The following VAV1 variants were observed in gnomAD, a reference collection of about 807,000 sequenced individuals.
The protein encoded by VAV1 is vav guanine nucleotide exchange factor 1, also known as proto-oncogene vav.
A neutral mutation model predicts 128.1 loss-of-function variants in VAV1; 33 were observed. The observed-to-expected ratio is 0.26, with a 90% CI of 0.20 to 0.34. VAV1 has a LOEUF of 0.34. Ranked by LOEUF, VAV1 falls within the 10% of genes least tolerant of loss-of-function variation. The pLI is 1.00. For synonymous variants in VAV1, 394 were observed against 409.8 expected, an observed-to-expected ratio of 0.96 and a Z score of 0.47; for missense variants, 715 against 1,093.7, an observed-to-expected ratio of 0.65 and a Z score of 4.88.
At position 6,772,991 on chromosome 19, in the gene VAV1, C is replaced by T. The variant is rs376743323; in HGVS notation, c.184C>T (p.Leu62=). 95 of 1,614,082 alleles carry T rather than the reference C, an allele frequency of 5.9e-5. 1 individual carries two copies. The South Asian group carries it at 8.0e-4, about 14-fold the overall frequency. The part of the protein sequence containing the change: ...PHAINLREVN[L]RPQMSQFLCL... ...TGCCATCAACCTGCGTGAGGTCAAC[C>T]TGCGCCCCCAGATGTCCCAGGTGAG... Residue 62 remains leucine, a synonymous_variant, in exon 1 of 27, where the codon CTG becomes TTG. Transcript: ENST00000602142. The surrounding 1 kb of genome is among the most constrained non-coding windows in gnomAD (Gnocchi z 4.8).
chr19:6,786,854 A>G (rs1970904614), intron 1 of VAV1, among the ~76,000 whole-genome samples: 2 of 152,088 alleles, frequency 1.3e-5, no homozygotes, highest in Non-Finnish European at 2.9e-5. Flanking sequence ...GACGTTTACT[A>G]TTTTTATATT....
chr19:6,833,855 C>A lies in VAV1; in HGVS notation c.1732-53C>A, dbSNP rs1972153210. 1.9e-6 allele frequency: 3 copies of A among 1,612,960 alleles called. No homozygotes were observed. In the South Asian group the frequency reaches 3.3e-5, roughly 18 times the overall value. Reference sequence around the variant, plus strand: ...GGGGTGAGGAGAGTAAGGGGGCCTACAAGCCCCCAGGCTGGGCATAGGTAG... The same window carrying A: ...GGGGTGAGGAGAGTAAGGGGGCCTAAAAGCCCCCAGGCTGGGCATAGGTAG... On this transcript the variant is annotated intron_variant, in intron 18 of 26. Transcript: ENST00000602142.
At position 6,828,733 on chromosome 19, in the gene VAV1, C is replaced by G; in HGVS notation, c.1179+25C>G. On this transcript the variant is annotated intron_variant, in intron 12 of 26. Transcript: ENST00000602142. The surrounding 1 kb of genome is among the most constrained non-coding windows in gnomAD (Gnocchi z 4.5). The stretch of plus-strand genomic sequence containing the variant: ...GGTGAGGCGGTGGAGCCGGGTGGGC[C>G]AGGGGTGTGGCCACGTGGGGAGAGT... 6.2e-7 allele frequency: 1 copy of G among 1,614,014 alleles called. No homozygotes were observed. Among genetic ancestry groups the G allele is most frequent in the Non-Finnish European group, 8.5e-7 (1 of 1,179,978 alleles).
chr19:6,827,842 C>A (rs1971955867), intron 9 of VAV1, among the ~76,000 whole-genome samples: 1 of 151,780 alleles, frequency 6.6e-6, no homozygotes. Context: ...TCAAGTGATC[C>A]TCCCGCCTCG....
At chr19:6,791,942 G>A (rs940900835) in intron 1 of VAV1, among the ~76,000 whole-genome samples, 1 of 151,840 alleles carries the variant, frequency 6.6e-6, no homozygotes, top group African/African-American at 2.4e-5. Flanking sequence ...TGGAGGGAGA[G>A]TGGTAAAGAA....
At chr19:6,778,516 C>A (rs1317385546) in intron 1 of VAV1, among the ~76,000 whole-genome samples, 1 of 152,096 alleles carries the variant, frequency 6.6e-6, no homozygotes, top group East Asian at 1.9e-4. Flanking sequence ...TCTGGTACCA[C>A]CACTTCCTGG....
At chr19:6,793,511 C>T (rs1971063979) in intron 1 of VAV1, among the ~76,000 whole-genome samples, 1 of 152,052 alleles carries the variant, frequency 6.6e-6, no homozygotes, top group Non-Finnish European at 1.5e-5. Flanking sequence ...ACAGGTACCT[C>T]TCTGCACCAT....
chr19:6,781,558 CTTGCTTACTATTG>C (rs1970766427), intron 1 of VAV1, among the ~76,000 whole-genome samples: 1 of 150,612 alleles, frequency 6.6e-6, no homozygotes. Context: ...GTTCATATCA[CTTGCTTACTATTG>C]TTGCACTTTC....
chr19:6,787,766 T>C (rs750834221), intron 1 of VAV1, among the ~76,000 whole-genome samples: 4 of 151,994 alleles, frequency 2.6e-5, no homozygotes, highest in Non-Finnish European at 5.9e-5. Context: ...CCCAACTGTT[T>C]TTTTAATGTT....
chr19:6,825,469 T>A, intron 8 of VAV1, 63 bp downstream of exon 8: 2 of 1,417,846 alleles, frequency 1.4e-6, no homozygotes, highest in Non-Finnish European at 2.0e-6. Context: ...GCTGGGCATC[T>A]GAGAGACCTT....
At chr19:6,796,322 G>C (rs1266387308) in intron 1 of VAV1, among the ~76,000 whole-genome samples, 1 of 149,244 alleles carries the variant, frequency 6.7e-6, no homozygotes, top group Non-Finnish European at 1.5e-5. Flanking sequence ...TAGGGACCCC[G>C]GGAGATATGG....
In VAV1 at chr19:6,828,553, C is replaced by G; in HGVS notation, c.1092+66C>G. On this transcript the variant is annotated intron_variant, in intron 11 of 26. Transcript: ENST00000602142. This position sits in a 1 kb window ranked among gnomAD's most constrained non-coding sequence, Gnocchi z 4.5. Reference sequence around the variant, plus strand: ...CACCCTCCTGGTAGGGGCTGATCCTCTAGCCGGGATTAGGTAGGAGCCTGG... The same window carrying G: ...CACCCTCCTGGTAGGGGCTGATCCTGTAGCCGGGATTAGGTAGGAGCCTGG... The G allele has an allele frequency of 6.2e-7, 1 of 1,613,690 alleles. No individual in the cohort carries two copies. The highest frequency in any genetic ancestry group is 1.1e-5 in the South Asian group (1 of 91,066).
At chr19:6,832,605 C>CCCT (rs1441792733) in intron 15 of VAV1, among the ~76,000 whole-genome samples, 3 of 107,652 alleles carry the variant, frequency 2.8e-5, no homozygotes, top group African/African-American at 7.3e-5. Flanking sequence ...CCTCTTCCTC[C>CCCT]TATTCCTCCT....
intron 1 of VAV1, among the ~76,000 whole-genome samples, chr19:6,793,558 A>G (rs1373425486): frequency 2.0e-5 from 3 of 151,806 alleles, no homozygotes; most frequent in Non-Finnish European, 4.4e-5. Flanking sequence ...GTACAGGAAA[A>G]TGTGCAGGAC....
chr19:6,807,573 CG>C (rs1277786178), intron 1 of VAV1, among the ~76,000 whole-genome samples: 1 of 151,962 alleles, frequency 6.6e-6, no homozygotes, highest in African/African-American at 2.4e-5. Context: ...GACCATGGAC[CG>C]GTACCAGGAG....
intron 1 of VAV1, among the ~76,000 whole-genome samples, chr19:6,813,507 G>T (rs1971556176): frequency 6.6e-6 from 1 of 152,084 alleles, no homozygotes; most frequent in Admixed American, 6.5e-5. Flanking sequence ...TGGACCATTG[G>T]GGGCCATCCT....
chr19:6,783,178 CA>C (rs112842149), intron 1 of VAV1, among the ~76,000 whole-genome samples: 32,959 of 151,488 alleles, frequency 0.22, 3,690 homozygotes, highest in African/African-American at 0.25. Flanking sequence ...GACTCCGTCT[CA>C]AAAAAAACAA....
intron 22 of VAV1, among the ~76,000 whole-genome samples, chr19:6,844,885 G>C (rs1015126200): frequency 1.3e-5 from 2 of 151,860 alleles, no homozygotes; most frequent in Non-Finnish European, 2.9e-5. Context: ...AAAAAATTTC[G>C]AGATGAACAA....
At chr19:6,853,495 G>A (rs1006345881) in intron 25 of VAV1, among the ~76,000 whole-genome samples, 3 of 151,924 alleles carry the variant, frequency 2.0e-5, no homozygotes, top group African/African-American at 7.2e-5. Flanking sequence ...AGGCCAAGGT[G>A]GGTGGATCAC....
Sources: gnomAD v4.1 joint callset for allele counts (sites outside exome capture counted in the v4.1 genomes callset) on GRCh38, gnomAD v4.1.1 for gene constraint, Gnocchi (gnomAD v3.1) non-coding constraint, MANE v1.5 for transcripts, NCBI Gene and HGNC (gene_info 2026-07-23, HGNC 2026-07-21) for gene names.